NEK4: variants seen among roughly 807,000 people sequenced by gnomAD.
NEK4 encodes serine/threonine-protein kinase Nek4.
In NEK4, 86 loss-of-function variants were observed where a neutral mutation model predicts 98.4. The observed-to-expected ratio is 0.87, with a 90% CI of 0.73 to 1.05. NEK4 has a LOEUF of 1.05. Ranked by LOEUF, NEK4 falls within the 50% of genes least tolerant of loss-of-function variation. The pLI, the probability that NEK4 is intolerant of heterozygous loss-of-function variation, is 0.00. For missense variants in NEK4, 898 were observed against 950.3 expected (o/e 0.94, Z 0.72); for synonymous variants, 328 against 342.2 (o/e 0.96, Z 0.46).
intron 2 of NEK4, among the ~76,000 whole-genome samples, chr3:52,767,237 G>A (rs977012301): frequency 1.3e-5 from 2 of 151,620 alleles, no homozygotes; most frequent in Non-Finnish European, 2.9e-5. Context: ...AATGAGCCAC[G>A]ATTGTGCCAC....
At chr3:52,742,618 A>G (rs910724935) in intron 12 of NEK4, among the ~76,000 whole-genome samples, 2 of 152,148 alleles carry the variant, frequency 1.3e-5, no homozygotes, top group South Asian at 2.1e-4. Flanking sequence ...GTGTCCCTAC[A>G]TCATCTACAG....
At chr3:52,760,657 C>T in intron 6 of NEK4, 138 bp downstream of exon 6, 3 of 709,582 alleles carry the variant, frequency 4.2e-6, no homozygotes, top group South Asian at 1.8e-5. Flanking sequence ...AACCAGTATT[C>T]TTTCTTTACA....
chr3:52,733,679 CTT>C (rs2097372153), intron 15 of NEK4: 1 of 456,172 alleles, frequency 2.2e-6, no homozygotes, highest in Admixed American at 2.5e-5. Flanking sequence ...TGGAGAGAAA[CTT>C]TACAAATATA....
intron 15 of NEK4, among the ~76,000 whole-genome samples, chr3:52,718,347 C>T (rs959097303): frequency 5.3e-5 from 8 of 151,650 alleles, no homozygotes; most frequent in Non-Finnish European, 1.0e-4. Context: ...GTGGCAGACG[C>T]CAGTAATCCC....
chr3:52,714,844 G>A (rs558800435), intron 15 of NEK4, among the ~76,000 whole-genome samples: 4 of 152,214 alleles, frequency 2.6e-5, no homozygotes, highest in Non-Finnish European at 1.5e-5. Flanking sequence ...GCCCAGGCGC[G>A]GTCAAAGCCT....
chr3:52,740,408 T>TCC (rs2097383785), intron 13 of NEK4, among the ~76,000 whole-genome samples: 1 of 151,662 alleles, frequency 6.6e-6, no homozygotes, highest in South Asian at 2.1e-4. Flanking sequence ...ATATATTAAA[T>TCC]ACACGGGATA....
chr3:52,767,996 T>G (rs774606801), intron 2 of NEK4, among the ~76,000 whole-genome samples: 11 of 152,218 alleles, frequency 7.2e-5, no homozygotes, highest in Admixed American at 4.6e-4. Context: ...TCAATTAGCC[T>G]AGCCACCTTT....
intron 6 of NEK4, chr3:52,754,412 G>T (rs958206459): frequency 2.0e-6 from 1 of 506,420 alleles, no homozygotes; most frequent in Non-Finnish European, 4.0e-6. Context: ...AAACCCAGAG[G>T]CTGCAATACT....
At chr3:52,750,891 A>G (rs893812835) in intron 7 of NEK4, among the ~76,000 whole-genome samples, 1 of 152,204 alleles carries the variant, frequency 6.6e-6, no homozygotes, top group Non-Finnish European at 1.5e-5. Flanking sequence ...TGTTTGCACC[A>G]CTGCACGCTA....
chr3:52,737,864 A>T (rs1192766549), intron 14 of NEK4, 145 bp from the exon 15 acceptor site: 16 of 577,114 alleles, frequency 2.8e-5, no homozygotes, highest in Non-Finnish European at 3.6e-5. Flanking sequence ...CCCAGGCTGG[A>T]GTGCAGTGGC....
chr3:52,719,315 C>T (rs934952895), intron 15 of NEK4, among the ~76,000 whole-genome samples: 18 of 152,008 alleles, frequency 1.2e-4, no homozygotes, highest in East Asian at 1.9e-4. Flanking sequence ...TTTGCAGAGA[C>T]GATTACAAAG....
At chr3:52,735,294 A>G (rs1469530138) in intron 15 of NEK4, among the ~76,000 whole-genome samples, 1 of 152,268 alleles carries the variant, frequency 6.6e-6, no homozygotes, top group Non-Finnish European at 1.5e-5. Flanking sequence ...TGTTAGAGCG[A>G]AATTTATTTT....
At chr3:52,712,677 T>C (rs1397078540) in intron 15 of NEK4, among the ~76,000 whole-genome samples, 3 of 152,198 alleles carry the variant, frequency 2.0e-5, no homozygotes, top group African/African-American at 7.2e-5. Context: ...GGTTTTCCCC[T>C]GGAGTCTGGC....
chr3:52,748,741 C>G (rs1441194331), intron 8 of NEK4, among the ~76,000 whole-genome samples: 1 of 152,086 alleles, frequency 6.6e-6, no homozygotes, highest in East Asian at 1.9e-4. Flanking sequence ...TCAGGATTAG[C>G]TGAAAGAATA....
At chr3:52,769,076 C>T (rs1003026882) in intron 1 of NEK4, among the ~76,000 whole-genome samples, 4 of 151,772 alleles carry the variant, frequency 2.6e-5, no homozygotes, top group African/African-American at 7.3e-5. Flanking sequence ...AAAATTAGCC[C>T]GGCGTGGTGG....
At chr3:52,742,108 T>C (rs898496750) in intron 12 of NEK4, among the ~76,000 whole-genome samples, 6 of 151,986 alleles carry the variant, frequency 3.9e-5, no homozygotes, top group Non-Finnish European at 4.4e-5. Context: ...TCCTGGAGAG[T>C]CTCAGCTGTG....
At chr3:52,745,435 C>T (rs1005114155) in intron 10 of NEK4, among the ~76,000 whole-genome samples, 4 of 151,910 alleles carry the variant, frequency 2.6e-5, no homozygotes, top group African/African-American at 9.7e-5. Flanking sequence ...AAAAATTAGC[C>T]GAGCATGGTG....
At chr3:52,738,517 C>T (rs561830256) in intron 14 of NEK4, among the ~76,000 whole-genome samples, 6 of 151,662 alleles carry the variant, frequency 4.0e-5, no homozygotes, top group East Asian at 1.9e-4. Context: ...GTGGCATGCT[C>T]ATGGCTCACT....
chr3:52,744,908 G>A (rs1467296086), intron 10 of NEK4, among the ~76,000 whole-genome samples: 1 of 151,640 alleles, frequency 6.6e-6, no homozygotes, highest in Non-Finnish European at 1.5e-5. Context: ...TGCCATATTC[G>A]GAATCTACTT....
Sources: gnomAD v4.1 joint callset for allele counts (sites outside exome capture counted in the v4.1 genomes callset) on GRCh38, gnomAD v4.1.1 for gene constraint, MANE v1.5 for transcripts, NCBI Gene and HGNC (gene_info 2026-07-23, HGNC 2026-07-21) for gene names.